The following DEDD variants were observed in gnomAD, a reference collection of about 807,000 sequenced individuals.
DEDD encodes death effector domain-containing protein.
A neutral mutation model predicts 29.2 loss-of-function variants in DEDD; 3 were observed. The observed-to-expected ratio is 0.10, with a 90% confidence interval of 0.05 to 0.27. The LOEUF (loss-of-function observed/expected upper bound fraction) is 0.27. Ranked by LOEUF, DEDD falls within the 10% of genes least tolerant of loss-of-function variation. DEDD has a pLI of 1.00. For missense variants in DEDD, 261 were observed against 420.5 expected (o/e 0.62, Z 3.32); for synonymous variants, 152 against 161.3 (o/e 0.94, Z 0.44).
Position 161,122,536 on chromosome 1 carries a change from G to A in DEDD, c.581-13C>T. 1 of 1,611,528 alleles carries A rather than the reference G, an allele frequency of 6.2e-7. No homozygotes were observed. The highest frequency in any genetic ancestry group is 8.5e-7 in the Non-Finnish European group (1 of 1,178,046). ...CGCAGTCTGATGTCTGTTGGAAACA[G>A]AAGATACAGAGCAGAAGAGGTTACA... On this transcript the variant is annotated splice_polypyrimidine_tract_variant and intron_variant, in intron 5 of 5. Coordinates refer to ENST00000368006, the MANE Select transcript of DEDD (RefSeq NM_032998.3). This position sits in a 1 kb window ranked among gnomAD's most constrained non-coding sequence, Gnocchi z 4.2.
At chr1:161,129,276 G>A (rs1489252396) in intron 2 of DEDD, among the ~76,000 whole-genome samples, 1 of 152,116 alleles carries the variant, frequency 6.6e-6, no homozygotes, top group Non-Finnish European at 1.5e-5. Flanking sequence ...AGGGTTCCAA[G>A]AATCTATCTA....
chr1:161,123,726 C>T, intron 4 of DEDD, 113 bp downstream of exon 4: 3 of 900,470 alleles, frequency 3.3e-6, no homozygotes, highest in Non-Finnish European at 3.4e-6. Context: ...TTTTATGGGG[C>T]AAGATGTGGG....
At chr1:161,126,544 A>G (rs1012991505) in intron 2 of DEDD, among the ~76,000 whole-genome samples, 2 of 151,784 alleles carry the variant, frequency 1.3e-5, no homozygotes, top group Admixed American at 6.6e-5. Context: ...GGGTTTCACC[A>G]TATTGGCCAG....
rs1243922611 is a variant in DEDD, at chr1:161,122,363, G to A, written c.741C>T (p.Asp247=). ...KSRDLGSIIC[D]IKFSELTYLD... is the part of the protein sequence containing the mutation. ...GGTAGGTGAGCTCAGAGAACTTGAT[G>A]TCACAGATGATGGAGCCCAGGTCCC... is the stretch of plus-strand genomic sequence containing the variant. The change falls in exon 6 of 6, where the codon GAC becomes GAT. Residue 247 remains aspartate, a synonymous_variant. Transcript: ENST00000368006. The surrounding 1 kb of genome is among the most constrained non-coding windows in gnomAD (Gnocchi z 4.2). 3 of 1,614,240 alleles carry A rather than the reference G, an allele frequency of 1.9e-6. No individual in the cohort carries two copies. In the South Asian group the frequency reaches 3.3e-5, roughly 18 times the overall value.
Position 161,122,008 on chromosome 1 carries a change from CT to C in DEDD, c.*138del. On this transcript the variant is annotated 3_prime_UTR_variant, in exon 6 of 6. Transcript: ENST00000368006. The surrounding 1 kb of genome is among the most constrained non-coding windows in gnomAD (Gnocchi z 4.2). ...GGGTGGGGAATACCACTTCCACTTT[CT>C]TTTGTCTTTTTCTTTAAAAAAAAAA... The C allele has an allele frequency of 8.5e-7, 1 of 1,180,228 alleles. No homozygotes were observed. Among genetic ancestry groups the C allele is most frequent in the Non-Finnish European group, 1.2e-6 (1 of 862,698 alleles). The allele number at this position is 1,180,228 out of a possible 1,614,324, so 73.1% of individuals were successfully genotyped here. A position where few individuals can be genotyped will look rare whatever the true frequency, so the allele number is the denominator to read the frequency against.
At position 161,123,952 on chromosome 1, in the gene DEDD, G is replaced by C. The variant is rs1156430654; in HGVS notation, c.326-6C>G. 6.2e-7 allele frequency: 1 copy of C among 1,612,974 alleles called. No individual in the cohort carries two copies. Among genetic ancestry groups the C allele is most frequent in the African/African-American group, 1.3e-5 (1 of 74,840 alleles). ...GTCTACAAGATCAGGGCACACTGTA[G>C]GAGGAGAAGTAATCATTCAGGAAAA... On this transcript the variant is annotated splice_polypyrimidine_tract_variant and splice_region_variant and intron_variant, in intron 3 of 5. Transcript: ENST00000368006.
Position 161,123,753 on chromosome 1 carries a change from A to G in DEDD, c.433+86T>C, listed in dbSNP as rs1655832291. The G allele has an allele frequency of 4.0e-6, 5 of 1,243,786 alleles. No individual in the cohort carries two copies. In the African/African-American group the frequency reaches 6.1e-5, roughly 15 times the overall value. The allele number at this position is 1,243,786 out of a possible 1,614,324, so 77.0% of individuals were successfully genotyped here. ...AGATGTGGGCGCACAGCATCCTTTC[A>G]TTTAAGCTGGCAAAGCCCAGAATGT... is the stretch of plus-strand genomic sequence containing the variant. On this transcript the variant is annotated intron_variant, in intron 4 of 5. Transcript: ENST00000368006.
In DEDD at chr1:161,130,601, T is replaced by C. The variant is rs188662768; in HGVS notation, c.-65+214A>G. Among the ~76,000 whole-genome samples the C allele has an allele frequency of 1.5e-4, 23 of 152,234 alleles. No individual in the cohort carries two copies. The East Asian group carries it at 4.1e-3, about 27-fold the overall frequency. On this transcript the variant is annotated intron_variant, in intron 2 of 5. Coordinates refer to ENST00000368006, the MANE Select transcript of DEDD (RefSeq NM_032998.3). ...ATAACAAACCAAAGCTGGGGGATTGTCCCAAGACATCTAAATCTCCTTCTC... is the reference window on the plus strand; with the variant it reads ...ATAACAAACCAAAGCTGGGGGATTGCCCCAAGACATCTAAATCTCCTTCTC...
chr1:161,122,673 G>GT lies in DEDD; in HGVS notation c.581-151dup. On this transcript the variant is annotated intron_variant, in intron 5 of 5. Transcript: ENST00000368006. This position sits in a 1 kb window ranked among gnomAD's most constrained non-coding sequence, Gnocchi z 4.2. Reference sequence around the variant, plus strand: ...ACCTCTTCCCCAGGACTATTTCTATGTATCTCTGAAATCCTTGCCTGAATG... The same window carrying GT: ...ACCTCTTCCCCAGGACTATTTCTATGTTATCTCTGAAATCCTTGCCTGAATG... 9.0e-7 allele frequency: 1 copy of GT among 1,106,478 alleles called. No individual in the cohort carries two copies. Among genetic ancestry groups the GT allele is most frequent in the Non-Finnish European group, 1.3e-6 (1 of 793,338 alleles). The allele number at this position is 1,106,478 out of a possible 1,614,324, so 68.5% of individuals were successfully genotyped here.
chr1:161,128,436 A>G (rs961017197), intron 2 of DEDD, among the ~76,000 whole-genome samples: 6 of 152,124 alleles, frequency 3.9e-5, no homozygotes, highest in Admixed American at 1.3e-4. Context: ...CCCCATCTCT[A>G]TGCAAAATAT....
chr1:161,125,508 C>CT (rs879930105), intron 2 of DEDD: 89 of 148,080 alleles, frequency 6.0e-4, no homozygotes, highest in South Asian at 3.6e-3. Flanking sequence ...GCAATATCAA[C>CT]TTTTTTTTTT....
intron 2 of DEDD, among the ~76,000 whole-genome samples, chr1:161,127,748 C>T (rs925722315): frequency 1.3e-5 from 2 of 152,196 alleles, no homozygotes; most frequent in Non-Finnish European, 2.9e-5. Context: ...AGTTATTGCT[C>T]ATAGCAGGCA....
At chr1:161,131,681 G>C (rs1174886961) in intron 1 of DEDD, among the ~76,000 whole-genome samples, 14 of 152,080 alleles carry the variant, frequency 9.2e-5, no homozygotes, top group Admixed American at 9.2e-4. Context: ...GAGTCTTTTG[G>C]AAAACAAACC....
At position 161,126,338 on chromosome 1, in the gene DEDD, A is replaced by C. The variant is rs560529884; in HGVS notation, c.-64-1812T>G. Reference sequence around the variant, plus strand: ...CCATCGTTATCTATAAGAACACTCCAAACTCTTTTTTTTTTTTTTTTTTTT... The same window carrying C: ...CCATCGTTATCTATAAGAACACTCCCAACTCTTTTTTTTTTTTTTTTTTTT... On this transcript the variant is annotated intron_variant, in intron 2 of 5. Coordinates refer to ENST00000368006, the MANE Select transcript of DEDD (RefSeq NM_032998.3). Among the ~76,000 whole-genome samples, 11 of 148,718 alleles carry C rather than the reference A, an allele frequency of 7.4e-5. No homozygotes were observed. In the East Asian group the frequency reaches 2.2e-3, roughly 29 times the overall value.
At position 161,132,662 on chromosome 1, in the gene DEDD, G is replaced by A. The variant is rs926046246; in HGVS notation, c.-209C>T. The A allele has an allele frequency of 6.0e-6, 1 of 167,226 alleles. No homozygotes were observed. Among genetic ancestry groups the A allele is most frequent in the Non-Finnish European group, 1.2e-5 (1 of 80,066 alleles). 10.4% of individuals were successfully genotyped at this position (167,226 alleles called of 1,614,324 possible). A position where few individuals can be genotyped will look rare whatever the true frequency, so the allele number is the denominator to read the frequency against. ...CAGCCGCCGCCGCCGCCGCCGCCGCGGCCGTGGGGGAGGGGACAGGCGGGC... is the reference window on the plus strand; with the variant it reads ...CAGCCGCCGCCGCCGCCGCCGCCGCAGCCGTGGGGGAGGGGACAGGCGGGC... On this transcript the variant is annotated 5_prime_UTR_variant, in exon 1 of 6. Transcript: ENST00000368006.
chr1:161,121,362 A>G lies in DEDD; in HGVS notation c.*785T>C, dbSNP rs1008189865. 5.6e-6 allele frequency: 1 copy of G among 179,934 alleles called. No individual in the cohort carries two copies. The highest frequency in any genetic ancestry group is 1.1e-5 in the Non-Finnish European group (1 of 93,102). The allele number at this position is 179,934 out of a possible 1,614,324, so 11.1% of individuals were successfully genotyped here. A position where few individuals can be genotyped will look rare whatever the true frequency, so the allele number is the denominator to read the frequency against. ...GTACATTATTTATTTTCACTTGAAC[A>G]TGGAAAGAAAGTGTCACACTCCCCC... is the stretch of plus-strand genomic sequence containing the variant. On this transcript the variant is annotated 3_prime_UTR_variant, in exon 6 of 6. Transcript: ENST00000368006.
At position 161,124,252 on chromosome 1, in the gene DEDD, G is replaced by C. The variant is rs868587185; in HGVS notation, c.211C>G (p.Leu71Val). Reference protein sequence around the residue: ...IRNGRDFLLALERQGRCDESN... With the variant: ...IRNGRDFLLAVERQGRCDESN... ...TCATCACAGCGGCCCTGGCGCTCCA[G>C]TGCCAATAAGAAGTCACGTCCATTT... The change falls in exon 3 of 6, where the codon CTG (leucine) becomes GTG (valine). Residue 71 changes from leucine (L) to valine (V), a missense_variant. By Grantham distance (32) the Leu-to-Val change is conservative. Around this residue, in one of 2 missense-constraint regions of DEDD, gnomAD observed 203 missense variants for 268.7 expected, o/e 0.76. Transcript: ENST00000368006. The C allele has an allele frequency of 6.2e-7, 1 of 1,614,244 alleles. No individual in the cohort carries two copies. The highest frequency in any genetic ancestry group is 8.5e-7 in the Non-Finnish European group (1 of 1,180,050).
intron 2 of DEDD, among the ~76,000 whole-genome samples, chr1:161,128,048 A>G (rs1366679878): frequency 2.0e-5 from 3 of 152,230 alleles, no homozygotes; most frequent in African/African-American, 4.8e-5. Context: ...ATGTAATTCT[A>G]TAAGCTTCAA....
rs770170298 is a variant in DEDD at position 161,124,295 on chromosome 1, G to A, written c.168C>T (p.His56=). The A allele has an allele frequency of 9.9e-6, 16 of 1,614,112 alleles. No individual in the cohort carries two copies. Among genetic ancestry groups the A allele is most frequent in the Middle Eastern group, 1.6e-4 (1 of 6,084 alleles). The change falls in exon 3 of 6, where the codon CAC becomes CAT. Residue 56 remains histidine, a synonymous_variant. Transcript: ENST00000368006. ...SFLFVDVIDD[H]ERGLIRNGRD... ...GTCCATTTCGGATGAGTCCACGCTCGTGGTCATCAATGACATCAACAAAGA... is the reference window on the plus strand; with the variant it reads ...GTCCATTTCGGATGAGTCCACGCTCATGGTCATCAATGACATCAACAAAGA...
Sources: gnomAD v4.1 joint callset for allele counts (sites outside exome capture counted in the v4.1 genomes callset) on GRCh38, gnomAD v4.1.1 for gene constraint, gnomAD v4.1.1 regional missense constraint, Gnocchi (gnomAD v3.1) non-coding constraint, MANE v1.5 for transcripts, NCBI Gene and HGNC (gene_info 2026-07-23, HGNC 2026-07-21) for gene names.